The following EXTL3 variants were observed in gnomAD, a reference collection of about 807,000 sequenced individuals.
EXTL3 encodes exostosin-like 3.
In EXTL3, 27 loss-of-function variants were observed where a neutral mutation model predicts 69.3. The observed-to-expected ratio is 0.39, with a 90% CI of 0.29 to 0.54. The LOEUF is 0.54. Ranked by LOEUF, EXTL3 falls within the 20% of genes least tolerant of loss-of-function variation. The pLI, the probability that EXTL3 is intolerant of heterozygous loss-of-function variation, is 0.69. For missense variants in EXTL3, 1,003 were observed against 1,231.8 expected, an observed-to-expected ratio of 0.81 and a Z score of 2.78; for synonymous variants, 511 against 499.4, an observed-to-expected ratio of 1.02 and a Z score of -0.31.
intron 1 of EXTL3, among the ~76,000 whole-genome samples, chr8:28,675,681 A>G (rs1212067207): frequency 1.3e-5 from 2 of 152,206 alleles, no homozygotes; most frequent in African/African-American, 2.4e-5. Context: ...ACATGGGCTC[A>G]CTAAGCAGGG....
At position 28,673,401 on chromosome 8, in the gene EXTL3, C is replaced by G. The variant is rs145754073; in HGVS notation, c.-52-40056C>G. Among the ~76,000 whole-genome samples the G allele has an allele frequency of 2.6e-3, 398 of 152,238 alleles. 2 individuals carry two copies. Among genetic ancestry groups the G allele is most frequent in the African/African-American group, 9.1e-3 (379 of 41,532 alleles). On this transcript the variant is annotated intron_variant, in intron 1 of 6. Transcript: ENST00000523149. The stretch of plus-strand genomic sequence containing the variant: ...CTAATGTGAGCAGGCATCATCTGAT[C>G]GATGGAGGGCCTGAAGAGAACAAAA...
At position 28,630,964 on chromosome 8, in the gene EXTL3, T is replaced by C. The variant is rs528973398; in HGVS notation, c.-53+8154T>C. Among the ~76,000 whole-genome samples, 7 of 152,278 alleles carry C rather than the reference T, an allele frequency of 4.6e-5. No homozygotes were observed. The South Asian group carries it at 1.5e-3, about 32-fold the overall frequency. ...TAGCTGTTTTTAAAATTATAAAACA[T>C]AAAAGTGATCAAAGCAGTGAAGCAG... is the stretch of plus-strand genomic sequence containing the variant. On this transcript the variant is annotated intron_variant, in intron 1 of 6. Coordinates refer to the EXTL3 transcript ENST00000523149.
chr8:28,755,241 C>T lies in EXTL3; in HGVS notation c.*4375C>T, dbSNP rs185077608. 1.3e-5 allele frequency: 2 copies of T among 152,438 alleles called. No homozygotes were observed. The highest frequency in any genetic ancestry group is 6.5e-5 in the Admixed American group (1 of 15,306). The allele number at this position is 152,438 out of a possible 1,614,324, so 9.4% of individuals were successfully genotyped here. On this transcript the variant is annotated 3_prime_UTR_variant, in exon 7 of 7. Coordinates refer to ENST00000220562, the MANE Select transcript of EXTL3 (RefSeq NM_001440.4). The stretch of plus-strand genomic sequence containing the variant: ...GAGCGCCAGCGCCTGGCTGAGTGCC[C>T]TGCTCACCTCCTATTAGAGCCCCCA...
At chr8:28,654,303 T>G (rs1806971527) in intron 1 of EXTL3, among the ~76,000 whole-genome samples, 1 of 152,240 alleles carries the variant, frequency 6.6e-6, no homozygotes, top group South Asian at 2.1e-4. Flanking sequence ...GGCTTTCAGA[T>G]TCTTAGGAGA....
At chr8:28,659,043 C>T (rs1428497215) in intron 1 of EXTL3, among the ~76,000 whole-genome samples, 6 of 152,112 alleles carry the variant, frequency 3.9e-5, no homozygotes, top group East Asian at 3.8e-4. Context: ...TTCCTAAGTA[C>T]GGCTGAAGGA....
At chr8:28,742,955 C>G in intron 5 of EXTL3, 131 bp from the exon 6 acceptor site, 1 of 919,652 alleles carries the variant, frequency 1.1e-6, no homozygotes, top group Non-Finnish European at 1.8e-6. Flanking sequence ...CTGCCCCAGT[C>G]CCTAAGTGCC....
At chr8:28,654,373 G>A (rs1806972688) in intron 1 of EXTL3, among the ~76,000 whole-genome samples, 1 of 152,060 alleles carries the variant, frequency 6.6e-6, no homozygotes, top group South Asian at 2.1e-4. Context: ...TTGTTTGTTT[G>A]TTTGTTTTTG....
chr8:28,689,806 T>A (rs796216123), intron 1 of EXTL3, among the ~76,000 whole-genome samples: 1 of 152,264 alleles, frequency 6.6e-6, no homozygotes, highest in South Asian at 2.1e-4. Context: ...CATAAAGTAA[T>A]TCCTTTAAGC....
chr8:28,716,048 T>C lies in EXTL3; in HGVS notation c.-12T>C, dbSNP rs1801135701. On this transcript the variant is annotated 5_prime_UTR_variant, in exon 3 of 7. Coordinates refer to ENST00000220562, the MANE Select transcript of EXTL3 (RefSeq NM_001440.4). The surrounding 1 kb of genome is among the most constrained non-coding windows in gnomAD (Gnocchi z 7.1). ...ACCCGACGTGATCTGGGGGGCAGGC[T>C]GCAGAGGACTCATGACAGGCTATAC... The C allele has an allele frequency of 6.3e-7, 1 of 1,593,490 alleles. No individual in the cohort carries two copies. Among genetic ancestry groups the C allele is most frequent in the Non-Finnish European group, 8.5e-7 (1 of 1,171,806 alleles).
chr8:28,734,127 T>C (rs1801598570), intron 4 of EXTL3, among the ~76,000 whole-genome samples: 1 of 152,208 alleles, frequency 6.6e-6, no homozygotes, highest in African/African-American at 2.4e-5. Flanking sequence ...CAGGATTGTC[T>C]TTTTATTATC....
intron 1 of EXTL3, among the ~76,000 whole-genome samples, chr8:28,629,385 G>A (rs1806539329): frequency 6.6e-6 from 1 of 152,100 alleles, no homozygotes; most frequent in East Asian, 1.9e-4. Context: ...TATCAAGGTG[G>A]GAAAGTGGTG....
At chr8:28,644,899 T>G (rs1806804566) in intron 1 of EXTL3, among the ~76,000 whole-genome samples, 2 of 152,206 alleles carry the variant, frequency 1.3e-5, no homozygotes, top group African/African-American at 4.8e-5. Flanking sequence ...TCACATCTCT[T>G]AGATCTTACC....
intron 1 of EXTL3, among the ~76,000 whole-genome samples, chr8:28,680,170 T>A (rs548317415): frequency 5.9e-5 from 9 of 152,102 alleles, no homozygotes; most frequent in African/African-American, 2.2e-4. Context: ...GGCGGGCAGA[T>A]CACCTGAGGT....
intron 2 of EXTL3, among the ~76,000 whole-genome samples, chr8:28,614,659 A>G (rs908099342): frequency 6.6e-6 from 1 of 152,000 alleles, no homozygotes; most frequent in African/African-American, 2.4e-5. Flanking sequence ...TTCTCTTCTC[A>G]TATCTCCATT....
chr8:28,685,511 G>A (rs1807563039), intron 1 of EXTL3, among the ~76,000 whole-genome samples: 1 of 151,780 alleles, frequency 6.6e-6, no homozygotes, highest in South Asian at 2.1e-4. Context: ...TGTACAGGCT[G>A]GAGTGAAGTG....
chr8:28,693,264 C>G (rs186750806), intron 1 of EXTL3, among the ~76,000 whole-genome samples: 162 of 152,024 alleles, frequency 1.1e-3, no homozygotes, highest in African/African-American at 3.8e-3. Flanking sequence ...ATTCTCCTGC[C>G]TCAGGCTCCT....
At chr8:28,703,206 CG>C (rs1563209560) in intron 1 of EXTL3, among the ~76,000 whole-genome samples, 1 of 152,100 alleles carries the variant, frequency 6.6e-6, no homozygotes, top group African/African-American at 2.4e-5. Context: ...TTCAGACTTC[CG>C]GAAACGTGCT....
At chr8:28,719,398 C>T (rs892129508) in intron 3 of EXTL3, among the ~76,000 whole-genome samples, 5 of 152,198 alleles carry the variant, frequency 3.3e-5, no homozygotes, top group African/African-American at 1.2e-4. Flanking sequence ...TTTGTCTTGC[C>T]TATGCTCTGG....
At chr8:28,615,143 T>G (rs935421075) in intron 2 of EXTL3, among the ~76,000 whole-genome samples, 2 of 152,218 alleles carry the variant, frequency 1.3e-5, no homozygotes, top group Non-Finnish European at 2.9e-5. Flanking sequence ...CTTTTACGTT[T>G]CTTAAGATGT....
Sources: gnomAD v4.1 joint callset for allele counts (sites outside exome capture counted in the v4.1 genomes callset) on GRCh38, gnomAD v4.1.1 for gene constraint, Gnocchi (gnomAD v3.1) non-coding constraint, MANE v1.5 for transcripts, NCBI Gene and HGNC (gene_info 2026-07-23, HGNC 2026-07-21) for gene names.